NCK2: variants seen among roughly 807,000 people sequenced by gnomAD.
The protein encoded by NCK2 is cytoplasmic protein NCK2.
A neutral mutation model predicts 33.9 loss-of-function variants in NCK2; 16 were observed. The observed-to-expected ratio is 0.47, with a 90% CI of 0.32 to 0.72. The LOEUF (loss-of-function observed/expected upper bound fraction) is 0.72. Ranked by LOEUF, NCK2 falls within the 30% of genes least tolerant of loss-of-function variation. NCK2 has a pLI of 0.03. For missense variants in NCK2, 418 were observed against 537.3 expected, an observed-to-expected ratio of 0.78 and a Z score of 2.19; for synonymous variants, 273 against 239.9, an observed-to-expected ratio of 1.14 and a Z score of -1.27.
At chr2:105,784,211 C>A (rs940866372) in intron 1 of NCK2, among the ~76,000 whole-genome samples, 1 of 152,188 alleles carries the variant, frequency 6.6e-6, no homozygotes. Flanking sequence ...TCAAGTAATC[C>A]GCCCGCCTCA....
intron 1 of NCK2, among the ~76,000 whole-genome samples, chr2:105,766,050 C>A (rs1330769734): frequency 1.3e-5 from 2 of 152,140 alleles, no homozygotes; most frequent in Non-Finnish European, 2.9e-5. Context: ...TCCTGCCAAG[C>A]AGGACTCCCT....
intron 2 of NCK2, among the ~76,000 whole-genome samples, chr2:105,830,697 G>GTGTGTGTGTGTA (rs1262361909): frequency 7.9e-5 from 12 of 151,428 alleles, no homozygotes; most frequent in East Asian, 5.8e-4. Flanking sequence ...GTGTGTGTGT[G>GTGTGTGTGTGTA]TGTGTGTGTG....
intron 1 of NCK2, among the ~76,000 whole-genome samples, chr2:105,796,940 A>G (rs1038876917): frequency 3.9e-5 from 6 of 152,220 alleles, no homozygotes. Flanking sequence ...TGTAAGTGTC[A>G]GCACTTATCT....
At chr2:105,780,105 G>A (rs928928748) in intron 1 of NCK2, among the ~76,000 whole-genome samples, 26 of 151,972 alleles carry the variant, frequency 1.7e-4, no homozygotes, top group African/African-American at 6.0e-4. Flanking sequence ...TATTTTGGAC[G>A]TACTAGAAAT....
chr2:105,752,661 T>C (rs1689487279), intron 1 of NCK2, among the ~76,000 whole-genome samples: 1 of 152,202 alleles, frequency 6.6e-6, no homozygotes, highest in Admixed American at 6.5e-5. Flanking sequence ...ATTGTACCCA[T>C]TGAGTAATCT....
chr2:105,776,098 C>T (rs372650540), intron 1 of NCK2, among the ~76,000 whole-genome samples: 3 of 152,206 alleles, frequency 2.0e-5, no homozygotes, highest in African/African-American at 7.2e-5. Context: ...CAGGCCACCT[C>T]TGGGGGTGTG....
At chr2:105,811,002 C>T (rs7566776) in intron 1 of NCK2, among the ~76,000 whole-genome samples, 34,757 of 151,710 alleles carry the variant, frequency 0.23, 6,406 homozygotes, top group African/African-American at 0.49. Context: ...GGTGAAACCC[C>T]GTCTCTACTA....
At chr2:105,779,796 A>G (rs975848680) in intron 1 of NCK2, among the ~76,000 whole-genome samples, 2 of 152,182 alleles carry the variant, frequency 1.3e-5, no homozygotes, top group Non-Finnish European at 2.9e-5. Context: ...CCTAGCAGAA[A>G]TGTAGCTTTG....
At chr2:105,793,346 T>C (rs538943008) in intron 1 of NCK2, among the ~76,000 whole-genome samples, 17 of 152,322 alleles carry the variant, frequency 1.1e-4, no homozygotes, top group Admixed American at 1.1e-3. Flanking sequence ...TCATTTAGTA[T>C]GGAAATTAGA....
intron 4 of NCK2, among the ~76,000 whole-genome samples, chr2:105,886,677 G>C (rs1005137567): frequency 3.3e-5 from 5 of 152,166 alleles, no homozygotes; most frequent in African/African-American, 1.2e-4. Context: ...GTCACATCAG[G>C]TATGACACTA....
intron 1 of NCK2, among the ~76,000 whole-genome samples, chr2:105,750,033 A>AGCAAACACACACAC (rs1553449486): frequency 4.5e-5 from 2 of 44,220 alleles, no homozygotes; most frequent in African/African-American, 7.0e-5. Context: ...CTCAAAAGCA[A>AGCAAACACACACAC]ACAAACACAC....
intron 4 of NCK2, among the ~76,000 whole-genome samples, chr2:105,884,788 C>A (rs1414963005): frequency 1.3e-5 from 2 of 152,216 alleles, no homozygotes; most frequent in Non-Finnish European, 2.9e-5. Flanking sequence ...TACTGCTTGT[C>A]CTTCCATTTC....
At chr2:105,761,689 G>A (rs1436658166) in intron 1 of NCK2, among the ~76,000 whole-genome samples, 1 of 152,104 alleles carries the variant, frequency 6.6e-6, no homozygotes, top group Non-Finnish European at 1.5e-5. Flanking sequence ...ACCAGCCTGG[G>A]CAACATGGCG....
intron 2 of NCK2, among the ~76,000 whole-genome samples, chr2:105,821,115 A>G (rs1371649928): frequency 6.6e-6 from 1 of 152,220 alleles, no homozygotes; most frequent in Non-Finnish European, 1.5e-5. Context: ...ACTACTTCAT[A>G]TTATCCTCAA....
At chr2:105,801,527 C>T (rs1352705856) in intron 1 of NCK2, among the ~76,000 whole-genome samples, 1 of 151,946 alleles carries the variant, frequency 6.6e-6, no homozygotes, top group African/African-American at 2.4e-5. Flanking sequence ...TTGTCACGTG[C>T]TGGCTGTAGC....
At chr2:105,854,455 A>C (rs1305330191) in intron 2 of NCK2, 2 of 152,554 alleles carry the variant, frequency 1.3e-5, no homozygotes, top group African/African-American at 4.8e-5. Context: ...TCTTATGTGA[A>C]TGCAGTAACA....
intron 2 of NCK2, among the ~76,000 whole-genome samples, chr2:105,830,862 T>A (rs1343526313): frequency 6.6e-6 from 1 of 152,176 alleles, no homozygotes. Context: ...TTTATTCAGA[T>A]CCTTTGATCA....
At chr2:105,810,213 C>A (rs1675236727) in intron 1 of NCK2, among the ~76,000 whole-genome samples, 2 of 152,152 alleles carry the variant, frequency 1.3e-5, no homozygotes, top group Non-Finnish European at 2.9e-5. Context: ...TAGAAATTAA[C>A]CCTTCTCACC....
chr2:105,804,596 C>T (rs1674962354), intron 1 of NCK2, among the ~76,000 whole-genome samples: 1 of 152,190 alleles, frequency 6.6e-6, no homozygotes, highest in Non-Finnish European at 1.5e-5. Context: ...ATTAATTGGG[C>T]AGCTGCCATA....
Sources: allele counts gnomAD v4.1 joint callset (sites outside exome capture counted in the v4.1 genomes callset), GRCh38; gene constraint gnomAD v4.1.1; transcripts MANE v1.5; gene names NCBI Gene and HGNC (gene_info 2026-07-23, HGNC 2026-07-21).